Variants in UBE2G1 observed in about 807,000 individuals in gnomAD.
UBE2G1 encodes the protein ubiquitin conjugating enzyme E2 G1.
In UBE2G1, 5 loss-of-function variants were observed where a neutral mutation model predicts 22.7. The observed-to-expected ratio is 0.22, with a 90% CI of 0.12 to 0.46. The LOEUF (loss-of-function observed/expected upper bound fraction) is 0.46, where lower values mean the gene tolerates loss of function less well. UBE2G1 is among the 20% of genes least tolerant of loss of function. The pLI, the probability that UBE2G1 is intolerant of heterozygous loss-of-function variation, is 0.99. For synonymous variants in UBE2G1, 74 were observed against 67.5 expected (o/e 1.10, Z -0.47); for missense variants, 88 against 203.9 (o/e 0.43, Z 3.46).
intron 4 of UBE2G1, among the ~76,000 whole-genome samples, chr17:4,288,576 T>C (rs11078494): frequency 0.95 from 145,023 of 152,124 alleles, 69,556 homozygotes; most frequent in East Asian, 1. Context: ...GACTTTGCTC[T>C]GTGGTTAAAA....
intron 2 of UBE2G1, 117 bp from the exon 3 acceptor site, chr17:4,296,931 A>G: frequency 2.4e-6 from 2 of 823,676 alleles, no homozygotes; most frequent in South Asian, 1.6e-5. Context: ...GAAGTAAACA[A>G]ATAATCTGGA....
intron 1 of UBE2G1, among the ~76,000 whole-genome samples, chr17:4,356,432 G>C (rs555967602): frequency 1.3e-3 from 196 of 152,308 alleles, no homozygotes; most frequent in African/African-American, 4.5e-3. Context: ...CCTCAAGGTA[G>C]GGATATCACA....
At chr17:4,324,273 G>A (rs931453810) in intron 1 of UBE2G1, among the ~76,000 whole-genome samples, 3 of 152,104 alleles carry the variant, frequency 2.0e-5, no homozygotes, top group East Asian at 1.9e-4. Context: ...GCCACTAGTC[G>A]CATGTGGCTA....
chr17:4,338,989 T>C (rs1354959708), intron 1 of UBE2G1, among the ~76,000 whole-genome samples: 3 of 152,184 alleles, frequency 2.0e-5, no homozygotes, highest in African/African-American at 4.8e-5. Flanking sequence ...TCGGGAGTAG[T>C]TCTCAGTCAG....
At chr17:4,315,979 T>TTA (rs576984012) in intron 1 of UBE2G1, among the ~76,000 whole-genome samples, 122 of 150,828 alleles carry the variant, frequency 8.1e-4, no homozygotes, top group African/African-American at 2.6e-3. Flanking sequence ...GGCTAATTTT[T>TTA]TATATATATA....
chr17:4,315,113 G>GTTTAGA (rs1969350817), intron 1 of UBE2G1, among the ~76,000 whole-genome samples: 1 of 152,008 alleles, frequency 6.6e-6, no homozygotes, highest in Non-Finnish European at 1.5e-5. Flanking sequence ...ACAGACAAAT[G>GTTTAGA]ATCATGTTTA....
At position 4,330,065 on chromosome 17, in the gene UBE2G1, G is replaced by A. The variant is rs145922662; in HGVS notation, c.47-22942C>T. Among the ~76,000 whole-genome samples the A allele has an allele frequency of 1.2e-4, 19 of 152,046 alleles. 1 individual carries two copies. In the East Asian group the frequency reaches 3.7e-3, roughly 29 times the overall value. Reference sequence around the variant, plus strand: ...TTATTGCATCTACAAAGTTTTACACGTATGACGTAAAAGACTAGTTTAGCT... The same window carrying A: ...TTATTGCATCTACAAAGTTTTACACATATGACGTAAAAGACTAGTTTAGCT... On this transcript the variant is annotated intron_variant, in intron 1 of 5. Coordinates refer to ENST00000396981, the MANE Select transcript of UBE2G1 (RefSeq NM_003342.5).
intron 4 of UBE2G1, among the ~76,000 whole-genome samples, chr17:4,284,834 CTTTCTTTTTTTTTTT>C (rs1968941945): frequency 1.2e-5 from 1 of 83,490 alleles, no homozygotes; most frequent in African/African-American, 4.4e-5. Context: ...CTTTTCTTTT[CTTTCTTTTTTTTTTT>C]TTTTTTTTTT....
chr17:4,337,471 G>A (rs369784427), intron 1 of UBE2G1, among the ~76,000 whole-genome samples: 18 of 151,906 alleles, frequency 1.2e-4, no homozygotes, highest in African/African-American at 3.4e-4. Context: ...TGGCCAACAC[G>A]GTGAAACCCT....
In UBE2G1 at chr17:4,282,891, A is replaced by G; in HGVS notation, c.457T>C (p.Phe153Leu). Residue 153 changes from phenylalanine (F) to leucine (L), a missense_variant, in exon 5 of 6, where the codon TTT becomes CTT. Phe to Leu is a conservative substitution (Grantham distance 22, BLOSUM62 0). This residue lies in a region of UBE2G1 where 38 missense variants were observed against 132.9 expected (regional missense o/e 0.29). Transcript: ENST00000396981. The stretch of plus-strand genomic sequence containing the variant: ...ACACAGCGGGCAACTTTTCTTTTAA[A>G]TTCTCCATTTCTATCTTCCCTCCAT... Reference protein sequence around the residue: ...KEWREDRNGEFKRKVARCVRK... With the variant: ...KEWREDRNGELKRKVARCVRK... 1 of 1,613,514 alleles carries G rather than the reference A, an allele frequency of 6.2e-7. No individual in the cohort carries two copies. The highest frequency in any genetic ancestry group is 8.5e-7 in the Non-Finnish European group (1 of 1,179,784).
intron 5 of UBE2G1, among the ~76,000 whole-genome samples, chr17:4,274,906 C>CCAGCCA (rs1451261617): frequency 3.9e-5 from 6 of 152,114 alleles, no homozygotes; most frequent in African/African-American, 1.4e-4. Context: ...ATATAATTAG[C>CCAGCCA]CAGCCACGGT....
chr17:4,360,245 T>A (rs965514368), intron 1 of UBE2G1, among the ~76,000 whole-genome samples: 3 of 151,902 alleles, frequency 2.0e-5, no homozygotes, highest in African/African-American at 7.3e-5. Context: ...AATTTAAATC[T>A]AAAAAAAAGG....
chr17:4,325,022 A>G (rs1053499740), intron 1 of UBE2G1, among the ~76,000 whole-genome samples: 1 of 152,092 alleles, frequency 6.6e-6, no homozygotes, highest in Non-Finnish European at 1.5e-5. Flanking sequence ...GCTTGCAGTG[A>G]GCCAAGATCG....
chr17:4,270,699 T>A lies in UBE2G1; in HGVS notation c.*1855A>T. 1 of 151,646 alleles carries A rather than the reference T, an allele frequency of 6.6e-6. No homozygotes were observed. Among genetic ancestry groups the A allele is most frequent in the Non-Finnish European group, 1.5e-5 (1 of 67,950 alleles). 9.4% of individuals were successfully genotyped at this position (151,646 alleles called of 1,614,324 possible). On this transcript the variant is annotated 3_prime_UTR_variant, in exon 6 of 6. Coordinates refer to ENST00000396981, the MANE Select transcript of UBE2G1 (RefSeq NM_003342.5). The stretch of plus-strand genomic sequence containing the variant: ...GTTCTTAAAGAAAACTGGGTTCTAA[T>A]GAATCAATTTCCAGTCACAACACAC...
At chr17:4,289,639 T>C (rs1969010314) in intron 3 of UBE2G1, among the ~76,000 whole-genome samples, 1 of 152,236 alleles carries the variant, frequency 6.6e-6, no homozygotes, top group Non-Finnish European at 1.5e-5. Flanking sequence ...AGCTATCTTT[T>C]TCATTTATGT....
At chr17:4,331,855 G>C (rs1287285855) in intron 1 of UBE2G1, 1 of 152,156 alleles carries the variant, frequency 6.6e-6, no homozygotes, top group African/African-American at 2.4e-5. Flanking sequence ...GTCGTACGAG[G>C]GAGATCAGTA....
chr17:4,282,059 T>C (rs1598178809), intron 5 of UBE2G1, among the ~76,000 whole-genome samples: 1 of 152,160 alleles, frequency 6.6e-6, no homozygotes, highest in African/African-American at 2.4e-5. Flanking sequence ...ACCAAGGAGA[T>C]AGAAGACCAA....
At chr17:4,342,335 T>C (rs1191118329) in intron 1 of UBE2G1, among the ~76,000 whole-genome samples, 1 of 152,192 alleles carries the variant, frequency 6.6e-6, no homozygotes, top group African/African-American at 2.4e-5. Context: ...CTTCAAATAT[T>C]GTGTTCCTTC....
chr17:4,344,278 C>T (rs1008839622), intron 1 of UBE2G1, among the ~76,000 whole-genome samples: 1 of 152,128 alleles, frequency 6.6e-6, no homozygotes, highest in African/African-American at 2.4e-5. Flanking sequence ...CGGTGGCTCG[C>T]GCCTGTAATC....
Sources: allele counts gnomAD v4.1 joint callset (sites outside exome capture counted in the v4.1 genomes callset), GRCh38; gene constraint gnomAD v4.1.1; regional missense constraint gnomAD v4.1.1; transcripts MANE v1.5; gene names NCBI Gene and HGNC (gene_info 2026-07-23, HGNC 2026-07-21).